Variants in PCLO observed in about 807,000 individuals in gnomAD.
PCLO encodes protein piccolo.
In PCLO, 82 loss-of-function variants were observed where a neutral mutation model predicts 427.5. The ratio of observed to expected loss-of-function variants is 0.19; its 90% CI spans 0.16 to 0.23. The LOEUF is 0.23. Ranked by LOEUF, PCLO falls within the 10% of genes least tolerant of loss-of-function variation. The pLI is 1.00. For synonymous variants in PCLO, 2,357 were observed against 2,155.4 expected (o/e 1.09, Z -2.59); for missense variants, 6,239 against 6,115.9 (o/e 1.02, Z -0.67).
At chr7:82,926,507 T>C (rs1794715771) in intron 6 of PCLO, among the ~76,000 whole-genome samples, 2 of 152,206 alleles carry the variant, frequency 1.3e-5, no homozygotes, top group Admixed American at 1.3e-4. Flanking sequence ...CGTACATGTA[T>C]AAGTTATTTA....
chr7:82,771,643 G>A (rs1790649358), intron 22 of PCLO, among the ~76,000 whole-genome samples: 1 of 151,994 alleles, frequency 6.6e-6, no homozygotes, highest in Non-Finnish European at 1.5e-5. Flanking sequence ...AATTGACAAA[G>A]GTCACACAAC....
At chr7:82,835,112 G>A (rs1792198709) in intron 16 of PCLO, among the ~76,000 whole-genome samples, 1 of 151,732 alleles carries the variant, frequency 6.6e-6, no homozygotes, top group Non-Finnish European at 1.5e-5. Context: ...GCCTAGCTAA[G>A]TTTTTGTGTT....
At chr7:82,771,127 T>C (rs1790638883) in intron 22 of PCLO, among the ~76,000 whole-genome samples, 1 of 151,908 alleles carries the variant, frequency 6.6e-6, no homozygotes, top group Non-Finnish European at 1.5e-5. Context: ...AATACCATGA[T>C]TGTAAGATCT....
intron 2 of PCLO, among the ~76,000 whole-genome samples, chr7:83,137,204 A>G (rs1484336195): frequency 6.6e-6 from 1 of 152,196 alleles, no homozygotes; most frequent in East Asian, 1.9e-4. Flanking sequence ...AATTGAATTA[A>G]TCATTCCTAA....
intron 3 of PCLO, among the ~76,000 whole-genome samples, chr7:83,114,642 G>A (rs1053180159): frequency 6.6e-6 from 1 of 151,944 alleles, no homozygotes; most frequent in African/African-American, 2.4e-5. Flanking sequence ...AAAGTAAAAT[G>A]TTGGGGAAAA....
At chr7:82,807,167 T>C (rs113209927) in intron 20 of PCLO, among the ~76,000 whole-genome samples, 216 of 76,666 alleles carry the variant, frequency 2.8e-3, no homozygotes, top group Middle Eastern at 0.024. Flanking sequence ...TCTATTCTCT[T>C]CTCAAGGTAT....
intron 3 of PCLO, among the ~76,000 whole-genome samples, chr7:82,985,928 T>G: frequency 6.6e-6 from 1 of 152,060 alleles, no homozygotes; most frequent in Admixed American, 6.6e-5. Flanking sequence ...TCTATTATTT[T>G]TAGAAACAAA....
intron 6 of PCLO, among the ~76,000 whole-genome samples, chr7:82,921,786 C>G (rs1230752204): frequency 1.3e-5 from 2 of 151,760 alleles, no homozygotes; most frequent in Non-Finnish European, 2.9e-5. Flanking sequence ...AAAAAACTAT[C>G]AACAGAGTGA....
chr7:82,965,563 G>C (rs1283039227), intron 4 of PCLO, among the ~76,000 whole-genome samples: 1 of 151,978 alleles, frequency 6.6e-6, no homozygotes, highest in Non-Finnish European at 1.5e-5. Context: ...AATAAATGTG[G>C]TATTTATGCT....
intron 22 of PCLO, among the ~76,000 whole-genome samples, chr7:82,767,642 T>C (rs1038375065): frequency 6.6e-6 from 1 of 152,078 alleles, no homozygotes; most frequent in African/African-American, 2.4e-5. Context: ...CTATGATACA[T>C]ATAATCTTTT....
intron 3 of PCLO, among the ~76,000 whole-genome samples, chr7:82,969,710 G>C (rs1363498072): frequency 2.6e-5 from 4 of 151,950 alleles, no homozygotes; most frequent in Non-Finnish European, 5.9e-5. Flanking sequence ...CTATTGGTTG[G>C]AAAGTGCATA....
intron 9 of PCLO, among the ~76,000 whole-genome samples, chr7:82,899,315 A>T (rs1209284564): frequency 1.3e-5 from 2 of 151,508 alleles, no homozygotes; most frequent in African/African-American, 4.8e-5. Context: ...AGGAGTGTAA[A>T]TATTCTTTGC....
At position 82,931,510 on chromosome 7, in the gene PCLO, G is replaced by A. The variant is rs1014648639; in HGVS notation, c.11113-14637C>T. On this transcript the variant is annotated intron_variant, in intron 6 of 24. Transcript: ENST00000333891. ...AGCCTGCAAACAAGTTGCCATTGAA[G>A]TTATCATCTGAGGTCCTGACTAAGG... is the stretch of plus-strand genomic sequence containing the variant. Among the ~76,000 whole-genome samples, 5 of 152,126 alleles carry A rather than the reference G, an allele frequency of 3.3e-5. No individual in the cohort carries two copies. The East Asian group carries it at 7.7e-4, about 23-fold the overall frequency.
chr7:82,947,281 GTGT>G (rs1362612604), intron 6 of PCLO, among the ~76,000 whole-genome samples: 1 of 152,102 alleles, frequency 6.6e-6, no homozygotes, highest in Non-Finnish European at 1.5e-5. Flanking sequence ...GTGTGTCACT[GTGT>G]TGTTTCAGTG....
rs141221781 is a variant in PCLO, at chr7:82,773,517, C to T, written c.15008-12024G>A. On this transcript the variant is annotated intron_variant, in intron 22 of 24. Transcript: ENST00000333891. ...CTCTTAAAATGCAATAAATGTGATC[C>T]TCCTTGCAGTTTTAACTGACTGTCT... Among the ~76,000 whole-genome samples, 33 of 152,246 alleles carry T rather than the reference C, an allele frequency of 2.2e-4. No homozygotes were observed. In the East Asian group the frequency reaches 5.0e-3, roughly 23 times the overall value.
At chr7:82,879,125 G>A (rs1230982440) in intron 10 of PCLO, among the ~76,000 whole-genome samples, 1 of 152,014 alleles carries the variant, frequency 6.6e-6, no homozygotes, top group Non-Finnish European at 1.5e-5. Flanking sequence ...TACTTCTGTA[G>A]CCAACTGCCA....
At chr7:82,894,220 CA>C (rs775015915) in intron 9 of PCLO, among the ~76,000 whole-genome samples, 1 of 151,834 alleles carries the variant, frequency 6.6e-6, no homozygotes, top group Non-Finnish European at 1.5e-5. Context: ...AAAAAATAAC[CA>C]ACCATTTCAG....
At chr7:83,067,747 T>C (rs536581892) in intron 3 of PCLO, among the ~76,000 whole-genome samples, 1 of 152,360 alleles carries the variant, frequency 6.6e-6, no homozygotes, top group African/African-American at 2.4e-5. Flanking sequence ...CTAAGTAAGA[T>C]GCATCATCTT....
intron 3 of PCLO, among the ~76,000 whole-genome samples, chr7:83,051,877 T>C (rs978648633): frequency 2.6e-5 from 4 of 151,856 alleles, no homozygotes; most frequent in Admixed American, 1.3e-4. Flanking sequence ...TAGAACAAAA[T>C]AGAGATCCCA....
Sources: gnomAD v4.1 joint callset for allele counts (sites outside exome capture counted in the v4.1 genomes callset) on GRCh38, gnomAD v4.1.1 for gene constraint, MANE v1.5 for transcripts, NCBI Gene and HGNC (gene_info 2026-07-23, HGNC 2026-07-21) for gene names.